The following PCDHA12 variants were observed in gnomAD, a reference collection of about 807,000 sequenced individuals.
PCDHA12 encodes protocadherin alpha-12.
PCDHA12 carries 44 observed loss-of-function variants against 60.0 expected under a neutral mutation model. That is an observed-to-expected ratio of 0.73 (90% CI 0.58 to 0.94). The LOEUF (loss-of-function observed/expected upper bound fraction) is 0.94, where lower values mean the gene tolerates loss of function less well. Ranked by LOEUF, PCDHA12 falls within the 40% of genes least tolerant of loss-of-function variation. The pLI, the probability that PCDHA12 is intolerant of heterozygous loss-of-function variation, is 0.00. For synonymous variants in PCDHA12, 569 were observed against 553.0 expected (o/e 1.03, Z -0.40); for missense variants, 1,276 against 1,239.7 (o/e 1.03, Z -0.44).
intron 1 of PCDHA12, chr5:140,969,172 G>T (rs782196654): frequency 1.2e-5 from 19 of 1,614,086 alleles, no homozygotes; most frequent in Non-Finnish European, 1.5e-5. Context: ...CAGGCTCAGG[G>T]AGTGACACTT....
At position 140,877,676 on chromosome 5, in the gene PCDHA12, G is replaced by A. The variant is rs781985023; in HGVS notation, c.2204G>A (p.Gly735Asp). Reference protein sequence around the residue: ...APPTVSRCAPGKPTLVCSSAV... With the variant: ...APPTVSRCAPDKPTLVCSSAV... ...CCCACCGTGAGCCGGTGCGCGCCGG[G>A]CAAGCCCACGCTGGTGTGCTCCAGC... The change falls in exon 1 of 4, where the codon GGC (glycine) becomes GAC (aspartate). Residue 735 changes from glycine (G) to aspartate (D), a missense_variant. Coordinates refer to ENST00000398631, the MANE Select transcript of PCDHA12 (RefSeq NM_018903.4). The A allele has an allele frequency of 8.7e-6, 14 of 1,613,488 alleles. No homozygotes were observed. The African/African-American group carries it at 1.2e-4, about 14-fold the overall frequency.
chr5:140,880,889 G>T (rs1554171573), intron 1 of PCDHA12, among the ~76,000 whole-genome samples: 1 of 152,130 alleles, frequency 6.6e-6, no homozygotes, highest in Admixed American at 6.6e-5. Context: ...GAAATGTAGG[G>T]CCAGATAGAA....
chr5:141,000,887 AAC>A (rs1554257872), intron 3 of PCDHA12, among the ~76,000 whole-genome samples: 4 of 152,188 alleles, frequency 2.6e-5, no homozygotes. Context: ...CAACCTGGGC[AAC>A]AGATATAGAC....
chr5:140,950,426 ACT>A (rs1554219446), intron 1 of PCDHA12, among the ~76,000 whole-genome samples: 5 of 151,872 alleles, frequency 3.3e-5, no homozygotes, highest in African/African-American at 1.2e-4. Flanking sequence ...ATTTTCTTCC[ACT>A]TAAAAAAAAT....
chr5:140,911,827 A>C (rs2075655305), intron 1 of PCDHA12, among the ~76,000 whole-genome samples: 1 of 152,162 alleles, frequency 6.6e-6, no homozygotes, highest in African/African-American at 2.4e-5. Context: ...GAAACCCCAA[A>C]ACCAATGAAA....
At chr5:140,979,051 G>T (rs1554240209) in intron 2 of PCDHA12, 44 bp downstream of exon 2, 1 of 1,609,534 alleles carries the variant, frequency 6.2e-7, no homozygotes, top group South Asian at 1.1e-5. Flanking sequence ...ACCTTAACTT[G>T]GTATGGCTCA....
intron 1 of PCDHA12, among the ~76,000 whole-genome samples, chr5:140,893,912 G>A (rs1254345100): frequency 6.6e-6 from 1 of 152,124 alleles, no homozygotes; most frequent in Non-Finnish European, 1.5e-5. Flanking sequence ...TGAATTTGTG[G>A]TCTTTTTCAG....
At chr5:140,974,109 T>A (rs192229356) in intron 1 of PCDHA12, among the ~76,000 whole-genome samples, 366 of 152,368 alleles carry the variant, frequency 2.4e-3, no homozygotes, top group Non-Finnish European at 3.7e-3. Context: ...AAAAGTATTC[T>A]TTTGCAGTGT....
chr5:140,982,708 C>G (rs550422492), intron 3 of PCDHA12, 145 bp downstream of exon 3: 1 of 1,373,770 alleles, frequency 7.3e-7, no homozygotes, highest in African/African-American at 1.5e-5. Flanking sequence ...GATTTCCTTA[C>G]ATATATGATT....
intron 3 of PCDHA12, among the ~76,000 whole-genome samples, chr5:140,987,333 T>C (rs1470731690): frequency 6.6e-6 from 1 of 152,158 alleles, no homozygotes; most frequent in East Asian, 1.9e-4. Context: ...TAAGAACTGG[T>C]CTAAGGTAAA....
intron 3 of PCDHA12, among the ~76,000 whole-genome samples, chr5:140,983,623 GA>G (rs1554245569): frequency 6.6e-6 from 1 of 152,202 alleles, no homozygotes; most frequent in African/African-American, 2.4e-5. Flanking sequence ...GAGAGATTAA[GA>G]AATGTACCCA....
chr5:140,981,940 T>A (rs2096958372), intron 2 of PCDHA12, among the ~76,000 whole-genome samples: 1 of 152,160 alleles, frequency 6.6e-6, no homozygotes, highest in Non-Finnish European at 1.5e-5. Flanking sequence ...TCAGGAAATA[T>A]AGGGTGGGTC....
intron 1 of PCDHA12, among the ~76,000 whole-genome samples, chr5:140,953,351 C>G (rs1007094673): frequency 3.3e-5 from 5 of 152,122 alleles, no homozygotes; most frequent in Non-Finnish European, 5.9e-5. Context: ...TTCTTTTGTT[C>G]TGTGCACTCA....
At chr5:140,934,502 A>G (rs1311901724) in intron 1 of PCDHA12, among the ~76,000 whole-genome samples, 2 of 152,144 alleles carry the variant, frequency 1.3e-5, no homozygotes, top group Non-Finnish European at 2.9e-5. Flanking sequence ...TAAACACCCA[A>G]AGGGTCCATA....
At chr5:141,007,329 TTGCCTGAGCTCAG>T (rs1554261175) in intron 3 of PCDHA12, among the ~76,000 whole-genome samples, 2 of 149,734 alleles carry the variant, frequency 1.3e-5, no homozygotes. Context: ...AGTGGACAGA[TTGCCTGAGCTCAG>T]GAGTTCGAGA....
intron 1 of PCDHA12, chr5:140,967,813 C>T (rs12153295): frequency 0.14 from 229,585 of 1,614,060 alleles, 17,281 homozygotes; most frequent in Middle Eastern, 0.18. Context: ...CAGGTCACTG[C>T]AAGGTGCTGG....
chr5:141,009,948 T>C lies in PCDHA12; in HGVS notation c.*11T>C, dbSNP rs201131092. 1 of 1,595,948 alleles carries C rather than the reference T, an allele frequency of 6.3e-7. No individual in the cohort carries two copies. The highest frequency in any genetic ancestry group is 1.4e-5 in the African/African-American group (1 of 73,610). On this transcript the variant is annotated 3_prime_UTR_variant, in exon 4 of 4. Coordinates refer to ENST00000398631, the MANE Select transcript of PCDHA12 (RefSeq NM_018903.4). ...AACAGTGACCAGTGAGGTCCTCAAA[T>C]GGAAACAAGCCACTTAGCCAGTTTT...
intron 1 of PCDHA12, chr5:140,927,446 T>C (rs1554204540): frequency 6.2e-7 from 1 of 1,614,128 alleles, no homozygotes; most frequent in Non-Finnish European, 8.5e-7. Flanking sequence ...TACCCGGAGT[T>C]GGTGTTGGAG....
At chr5:140,979,843 A>G (rs1373380351) in intron 2 of PCDHA12, among the ~76,000 whole-genome samples, 1 of 152,246 alleles carries the variant, frequency 6.6e-6, no homozygotes, top group African/African-American at 2.4e-5. Context: ...TAATCTTCAA[A>G]CTTAAGCCCC....
Sources: allele counts gnomAD v4.1 joint callset (sites outside exome capture counted in the v4.1 genomes callset), GRCh38; gene constraint gnomAD v4.1.1; transcripts MANE v1.5; gene names NCBI Gene and HGNC (gene_info 2026-07-23, HGNC 2026-07-21).